The following ULK1 variants were observed in gnomAD, a reference collection of about 807,000 sequenced individuals.
ULK1 encodes unc-51 like autophagy activating kinase 1.
ULK1 carries 48 observed loss-of-function variants against 117.5 expected under a neutral mutation model. The ratio of observed to expected loss-of-function variants is 0.41; its 90% confidence interval spans 0.32 to 0.52. The LOEUF is 0.52. ULK1 is among the 20% of genes least tolerant of loss of function. The pLI, the probability that ULK1 is intolerant of heterozygous loss-of-function variation, is 0.29. For missense variants in ULK1, 1,387 were observed against 1,473.4 expected (o/e 0.94, Z 0.96); for synonymous variants, 790 against 637.8 (o/e 1.24, Z -3.60).
At position 131,921,380 on chromosome 12, in the gene ULK1, GC is replaced by G. The variant is rs750927017; in HGVS notation, c.*25del. 1.2e-6 allele frequency: 2 copies of G among 1,601,390 alleles called. No homozygotes were observed. Among genetic ancestry groups the G allele is most frequent in the Non-Finnish European group, 1.7e-6 (2 of 1,179,858 alleles). On this transcript the variant is annotated 3_prime_UTR_variant, in exon 28 of 28. Coordinates refer to ENST00000321867, the MANE Select transcript of ULK1 (RefSeq NM_003565.4). ...TGCCTGACCTTTCTGGCCTGGCTGG[GC>G]CCCCCGTCCTGCCGAGCCCTGCAGA... is the stretch of plus-strand genomic sequence containing the variant.
Position 131,921,379 on chromosome 12 carries a change from G to A in ULK1, c.*18G>A, listed in dbSNP as rs1890144301. The A allele has an allele frequency of 1.9e-6, 3 of 1,601,534 alleles. No individual in the cohort carries two copies. Among genetic ancestry groups the A allele is most frequent in the South Asian group, 2.2e-5 (2 of 91,086 alleles). ...GTGCCTGACCTTTCTGGCCTGGCTG[G>A]GCCCCCCGTCCTGCCGAGCCCTGCA... is the stretch of plus-strand genomic sequence containing the variant. On this transcript the variant is annotated 3_prime_UTR_variant, in exon 28 of 28. Coordinates refer to ENST00000321867, the MANE Select transcript of ULK1 (RefSeq NM_003565.4).
At position 131,915,072 on chromosome 12, in the gene ULK1, C is replaced by T. The variant is rs780808019; in HGVS notation, c.1374-11C>T. 11 of 1,531,238 alleles carry T rather than the reference C, an allele frequency of 7.2e-6. No homozygotes were observed. The highest frequency in any genetic ancestry group is 9.6e-6 in the Non-Finnish European group (11 of 1,140,100). 94.9% of individuals were successfully genotyped at this position (1,531,238 alleles called of 1,614,324 possible). A position where few individuals can be genotyped will look rare whatever the true frequency, so the allele number is the denominator to read the frequency against. Reference sequence around the variant, plus strand: ...TGAGGCCTCCCCTCCTAATATCTGCCTTGTCTTCAGGTCCTCTGCCATCCG... The same window carrying T: ...TGAGGCCTCCCCTCCTAATATCTGCTTTGTCTTCAGGTCCTCTGCCATCCG... On this transcript the variant is annotated splice_polypyrimidine_tract_variant and intron_variant, in intron 16 of 27. Coordinates refer to ENST00000321867, the MANE Select transcript of ULK1 (RefSeq NM_003565.4).
At position 131,895,588 on chromosome 12, in the gene ULK1, G is replaced by C; in HGVS notation, c.112-13G>C. 6.2e-7 allele frequency: 1 copy of C among 1,613,140 alleles called. No homozygotes were observed. The highest frequency in any genetic ancestry group is 8.5e-7 in the Non-Finnish European group (1 of 1,179,506). ...GGCAGCCCTGGCCTTGAAGGTGCAC[G>C]TTTGGCTTTCAGAAGCACGATTTGG... On this transcript the variant is annotated splice_polypyrimidine_tract_variant and intron_variant, in intron 1 of 27. Coordinates refer to ENST00000321867, the MANE Select transcript of ULK1 (RefSeq NM_003565.4).
intron 8 of ULK1, 69 bp from the exon 9 acceptor site, chr12:131,909,706 C>A: frequency 1.4e-6 from 2 of 1,446,400 alleles, no homozygotes; most frequent in Non-Finnish European, 1.8e-6. Context: ...GGGACGAACG[C>A]ACCGAGACCC....
intron 3 of ULK1, among the ~76,000 whole-genome samples, chr12:131,904,010 T>C (rs1889181755): frequency 2.0e-5 from 3 of 151,974 alleles, no homozygotes. Context: ...GCTGGAGGGA[T>C]GGCAGGGCCA....
intron 26 of ULK1, chr12:131,920,366 G>A (rs561253931): frequency 3.4e-5 from 18 of 536,926 alleles, no homozygotes; most frequent in Non-Finnish European, 4.9e-5. Context: ...ATCCTGCCTC[G>A]CCCCGACTCA....
intron 22 of ULK1, 21 bp downstream of exon 22, chr12:131,917,575 A>C: frequency 7.2e-7 from 1 of 1,385,702 alleles, no homozygotes; most frequent in Non-Finnish European, 9.4e-7. Context: ...GCTAGGCTGA[A>C]GCCCTGTCCC....
Position 131,915,979 on chromosome 12 carries a change from C to G in ULK1, c.1698C>G (p.Val566=), listed in dbSNP as rs1889762236. 6.2e-7 allele frequency: 1 copy of G among 1,612,502 alleles called. No homozygotes were observed. Among genetic ancestry groups the G allele is most frequent in the Non-Finnish European group, 8.5e-7 (1 of 1,179,820 alleles). The part of the protein sequence containing the change: ...SAPNLSDLHV[V]RPKLPKPPTD... ...CCAACCTGTCTGACTTGCACGTCGT[C>G]CGCCCCAAGCTGCCCAAACCCCCCA... The change falls in exon 19 of 28, where the codon GTC becomes GTG. Residue 566 remains valine, a synonymous_variant. Coordinates refer to ENST00000321867, the MANE Select transcript of ULK1 (RefSeq NM_003565.4).
Position 131,921,643 on chromosome 12 carries a change from A to C in ULK1, c.*282A>C, listed in dbSNP as rs1490397959. The stretch of plus-strand genomic sequence containing the variant: ...TGGCTCAGCAGGCGTGGGTGCCACC[A>C]CCCTCTAGCCCCAGGGCAGCCCCGG... On this transcript the variant is annotated 3_prime_UTR_variant, in exon 28 of 28. Transcript: ENST00000321867. 1 of 607,296 alleles carries C rather than the reference A, an allele frequency of 1.6e-6. No individual in the cohort carries two copies. The highest frequency in any genetic ancestry group is 2.9e-6 in the Non-Finnish European group (1 of 341,112). 37.6% of individuals were successfully genotyped at this position (607,296 alleles called of 1,614,324 possible). A position where few individuals can be genotyped will look rare whatever the true frequency, so the allele number is the denominator to read the frequency against.
chr12:131,910,145 T>A (rs988168431), intron 10 of ULK1, 109 bp from the exon 11 acceptor site: 29 of 1,570,252 alleles, frequency 1.8e-5, no homozygotes, highest in Middle Eastern at 1.7e-4. Context: ...GGGCTCCACC[T>A]CCGCCCGGGC....
intron 3 of ULK1, chr12:131,897,516 T>A (rs1888924048): frequency 1.3e-5 from 2 of 152,160 alleles, no homozygotes; most frequent in South Asian, 4.1e-4. Flanking sequence ...CGCCGTGAAT[T>A]TTGTCACTTA....
At chr12:131,895,994 A>G (rs762772092) in intron 3 of ULK1, among the ~76,000 whole-genome samples, 170 bp downstream of exon 3, 7 of 151,540 alleles carry the variant, frequency 4.6e-5, no homozygotes, top group Non-Finnish European at 1.0e-4. Flanking sequence ...TCTTGCTGTG[A>G]CTTCCCCAGC....
rs1416470392 is a variant in ULK1, at chr12:131,908,982, C to T, written c.564+11C>T. 3 of 1,612,878 alleles carry T rather than the reference C, an allele frequency of 1.9e-6. No homozygotes were observed. The highest frequency in any genetic ancestry group is 1.7e-4 in the Middle Eastern group (1 of 6,060). On this transcript the variant is annotated intron_variant, in intron 7 of 27. Coordinates refer to ENST00000321867, the MANE Select transcript of ULK1 (RefSeq NM_003565.4). ...TCCCCCATGTACATGGTGTGTTTAC[C>T]TTGGCCGGGCTGTGCCGGGTGGGCG...
chr12:131,907,558 C>A, intron 5 of ULK1, 27 bp downstream of exon 5: 1 of 1,603,162 alleles, frequency 6.2e-7, no homozygotes, highest in Non-Finnish European at 8.5e-7. Flanking sequence ...GCCACCTGGG[C>A]TGCCAGCCGG....
In ULK1 at chr12:131,903,149, C is replaced by T. The variant is rs1022035973; in HGVS notation, c.247-3743C>T. 6.6e-6 allele frequency among the ~76,000 whole-genome samples: 1 copy of T among 152,130 alleles called. No homozygotes were observed. The highest frequency in any genetic ancestry group is 1.9e-4 in the East Asian group (1 of 5,186). ...GTGGACAGGCCCAGCTGGGGGCCCC[C>T]GTCGGGGGGTGTTGTGGCGCAGGGC... On this transcript the variant is annotated intron_variant, in intron 3 of 27. Coordinates refer to ENST00000321867, the MANE Select transcript of ULK1 (RefSeq NM_003565.4). This position sits in a 1 kb window ranked among gnomAD's most constrained non-coding sequence, Gnocchi z 6.0.
chr12:131,915,470 C>T (rs756070573), intron 18 of ULK1, 49 bp downstream of exon 18: 8 of 1,586,182 alleles, frequency 5.0e-6, no homozygotes, highest in African/African-American at 1.3e-5. Flanking sequence ...ACCTCCCTCG[C>T]TCACGTTGTC....
chr12:131,918,220 G>C (rs1228296322), intron 22 of ULK1: 2 of 535,134 alleles, frequency 3.7e-6, no homozygotes. Flanking sequence ...GCAGATCTGG[G>C]CTGGGGGTCG....
intron 13 of ULK1, among the ~76,000 whole-genome samples, chr12:131,912,647 A>G (rs1366285326): frequency 6.6e-6 from 1 of 152,178 alleles, no homozygotes; most frequent in East Asian, 1.9e-4. Context: ...CCAGGGACAC[A>G]ATGACTCATG....
At chr12:131,919,174 C>T (rs754593211) in intron 23 of ULK1, 38 bp from the exon 24 acceptor site, 44 of 1,561,566 alleles carry the variant, frequency 2.8e-5, no homozygotes, top group South Asian at 5.8e-5. Context: ...CTTCCAAGCC[C>T]GGGCAGCACT....
Sources: allele counts gnomAD v4.1 joint callset (sites outside exome capture counted in the v4.1 genomes callset), GRCh38; gene constraint gnomAD v4.1.1; non-coding constraint Gnocchi (gnomAD v3.1); transcripts MANE v1.5; gene names NCBI Gene and HGNC (gene_info 2026-07-23, HGNC 2026-07-21).